The following SYNE2 variants were observed in gnomAD, a reference collection of about 807,000 sequenced individuals.
SYNE2 encodes spectrin repeat containing nuclear envelope protein 2.
A neutral mutation model predicts 856.3 loss-of-function variants in SYNE2; 431 were observed. That is an observed-to-expected ratio of 0.50 (90% CI 0.47 to 0.55). SYNE2 has a LOEUF of 0.55. Ranked by LOEUF, SYNE2 falls within the 20% of genes least tolerant of loss-of-function variation. SYNE2 has a pLI of 0.00. For synonymous variants in SYNE2, 2,923 were observed against 2,872.3 expected (o/e 1.02, Z -0.56); for missense variants, 8,129 against 8,023.2 (o/e 1.01, Z -0.50).
In SYNE2 at chr14:64,010,066, C is replaced by T. The variant is rs1347557207; in HGVS notation, c.4678C>T (p.Leu1560=). ...TCAAAAAGAAGAGAGTGTCATCTCC[C>T]TGCAGGCTTCGTACATGGGAAAGGA... ...LIQKEESVIS[L]QASYMGKENL... The change falls in exon 32 of 116, where the codon CTG becomes TTG. Residue 1560 remains leucine (L), a synonymous_variant. Transcript: ENST00000555002. 1 of 1,613,960 alleles carries T rather than the reference C, an allele frequency of 6.2e-7. No homozygotes were observed. Among genetic ancestry groups the T allele is most frequent in the South Asian group, 1.1e-5 (1 of 91,026 alleles).
chr14:63,926,576 T>C (rs964314443), intron 2 of SYNE2, among the ~76,000 whole-genome samples: 1 of 152,180 alleles, frequency 6.6e-6, no homozygotes, highest in Admixed American at 6.5e-5. Context: ...CCAATAAAAC[T>C]GTATTTACAA....
Position 63,978,033 on chromosome 14 carries a change from A to C in SYNE2, c.1406+16A>C. On this transcript the variant is annotated intron_variant, in intron 13 of 115. Coordinates refer to ENST00000555002, the MANE Select transcript of SYNE2 (RefSeq NM_182914.3). ...TGAAAAGACGGTGTGTAACACTACC[A>C]TTTCACAGCTGCTGTCACTATTCAC... 1 of 1,480,192 alleles carries C rather than the reference A, an allele frequency of 6.8e-7. No homozygotes were observed. Among genetic ancestry groups the C allele is most frequent in the Non-Finnish European group, 9.5e-7 (1 of 1,057,920 alleles). 91.7% of individuals were successfully genotyped at this position (1,480,192 alleles called of 1,614,324 possible).
At chr14:63,798,873 G>A (rs915861371) in intron 1 of SYNE2, among the ~76,000 whole-genome samples, 1 of 152,140 alleles carries the variant, frequency 6.6e-6, no homozygotes, top group African/African-American at 2.4e-5. Context: ...AAGGTGGGTA[G>A]GAACAGGCCT....
At chr14:64,116,424 A>G (rs2097854314) in intron 66 of SYNE2, among the ~76,000 whole-genome samples, 1 of 152,018 alleles carries the variant, frequency 6.6e-6, no homozygotes, top group African/African-American at 2.4e-5. Context: ...TAAAAGTACC[A>G]TTACTTTTTT....
intron 114 of SYNE2, 146 bp downstream of exon 114, chr14:64,224,693 C>A (rs1435482539): frequency 2.2e-6 from 2 of 888,954 alleles, no homozygotes; most frequent in East Asian, 5.3e-5. Context: ...TACAGTCTGC[C>A]TCTAGTCACT....
chr14:64,225,410 C>T lies in SYNE2; in HGVS notation c.20608C>T (p.Leu6870Phe), dbSNP rs372993403. 6 of 1,614,024 alleles carry T rather than the reference C, an allele frequency of 3.7e-6. No individual in the cohort carries two copies. The African/African-American group carries it at 6.7e-5, about 18-fold the overall frequency. Residue 6870 changes from leucine (L) to phenylalanine (F), a missense_variant, in exon 116 of 116, where the codon CTC (leucine) becomes TTC (phenylalanine). Around this residue, in one of 3 missense-constraint regions of SYNE2, gnomAD observed 5,410 missense variants for 5,284.8 expected, o/e 1.02. Coordinates refer to ENST00000555002, the MANE Select transcript of SYNE2 (RefSeq NM_182914.3). The stretch of plus-strand genomic sequence containing the variant: ...GCAGCTGCTCCTCCTGCTGCTGCTG[C>T]TCCTGGCCTGCCTGCTGCCCTCCTC... ...PLQLLLLLLL[L>F]LACLLPSSEE...
intron 1 of SYNE2, among the ~76,000 whole-genome samples, chr14:63,769,692 T>G (rs866100188): frequency 1.4e-3 from 172 of 121,384 alleles, no homozygotes; most frequent in Middle Eastern, 4.6e-3. Flanking sequence ...AAGACTCACC[T>G]GGGCAACAAG....
rs537982143 is a variant in SYNE2 at position 64,159,401 on chromosome 14, T to G, written c.16053T>G (p.Val5351=). Residue 5351 remains valine, a synonymous_variant, in exon 87 of 116, where the codon GTT becomes GTG. Transcript: ENST00000555002. The stretch of plus-strand genomic sequence containing the variant: ...AACTCAAAGGTCTCTGCCCCTCTGT[T>G]GCTGAAATAATCGAAGAGAAATGCC... ...IGKLKGLCPS[V]AEIIEEKCQN... is the part of the protein sequence containing the mutation. 1.2e-6 allele frequency: 2 copies of G among 1,614,014 alleles called. No homozygotes were observed. Among genetic ancestry groups the G allele is most frequent in the East Asian group, 2.2e-5 (1 of 44,874 alleles).
intron 10 of SYNE2, among the ~76,000 whole-genome samples, chr14:63,964,542 G>A (rs1244512857): frequency 6.6e-6 from 1 of 150,692 alleles, no homozygotes; most frequent in Non-Finnish European, 1.5e-5. Context: ...TTTATTTTTC[G>A]AGACGGAGTT....
intron 1 of SYNE2, among the ~76,000 whole-genome samples, chr14:63,814,525 A>G (rs1888768539): frequency 7.1e-6 from 1 of 141,190 alleles, no homozygotes; most frequent in South Asian, 2.1e-4. Flanking sequence ...TCCATTATAT[A>G]TATCCATATA....
At chr14:64,174,068 A>ATT (rs774699849) in intron 94 of SYNE2, 2,762 of 416,780 alleles carry the variant, frequency 6.6e-3, no homozygotes, top group South Asian at 9.5e-3. Context: ...TGTCTCTTAA[A>ATT]TTTTTTTTTT....
chr14:64,210,094 G>A lies in SYNE2; in HGVS notation c.18693G>A (p.Arg6231=), dbSNP rs1375004657. 2.5e-6 allele frequency: 4 copies of A among 1,613,870 alleles called. No homozygotes were observed. The South Asian group carries it at 3.3e-5, about 13-fold the overall frequency. Residue 6231 remains arginine (R), a synonymous_variant, in exon 103 of 116, where the codon AGG becomes AGA. Transcript: ENST00000555002. Reference sequence around the variant, plus strand: ...ACCAGCGCTGGGACAACCTTCAGAGGCGGGTCACAGCCGTCCTGCGGAGAC... The same window carrying A: ...ACCAGCGCTGGGACAACCTTCAGAGACGGGTCACAGCCGTCCTGCGGAGAC... The part of the protein sequence containing the change: ...EGNQRWDNLQ[R]RVTAVLRRLR...
At chr14:64,205,729 T>C (rs762890843) in intron 100 of SYNE2, among the ~76,000 whole-genome samples, 59 of 152,184 alleles carry the variant, frequency 3.9e-4, no homozygotes, top group Non-Finnish European at 6.2e-4. Flanking sequence ...ATCTTTAAAA[T>C]GCACAGGAAG....
intron 1 of SYNE2, among the ~76,000 whole-genome samples, chr14:63,828,421 C>T (rs1484368675): frequency 6.6e-6 from 1 of 152,006 alleles, no homozygotes; most frequent in African/African-American, 2.4e-5. Context: ...GGGTGGATCA[C>T]CTGAGGTGAG....
chr14:64,076,054 C>T lies in SYNE2; in HGVS notation c.10976C>T (p.Ser3659Phe), dbSNP rs1595352239. Residue 3659 changes from serine (S) to phenylalanine (F), a missense_variant, in exon 54 of 116, where the codon TCC becomes TTC. Ser to Phe is a radical substitution (Grantham distance 155). Around this residue, in one of 3 missense-constraint regions of SYNE2, gnomAD observed 5,410 missense variants for 5,284.8 expected, o/e 1.02. Coordinates refer to ENST00000555002, the MANE Select transcript of SYNE2 (RefSeq NM_182914.3). Reference sequence around the variant, plus strand: ...ACCATAGTCCCTGCAGAGATTGAATCCCAGGTGGAAGAATGCAGAAAAGCT... The same window carrying T: ...ACCATAGTCCCTGCAGAGATTGAATTCCAGGTGGAAGAATGCAGAAAAGCT... ...MYTIVPAEIE[S>F]QVEECRKALE... is the part of the protein sequence containing the mutation. 2.5e-6 allele frequency: 4 copies of T among 1,613,858 alleles called. No homozygotes were observed. Among genetic ancestry groups the T allele is most frequent in the Non-Finnish European group, 3.4e-6 (4 of 1,179,850 alleles).
At chr14:63,974,804 G>GTATATA (rs2096519485) in intron 11 of SYNE2, among the ~76,000 whole-genome samples, 1 of 130,858 alleles carries the variant, frequency 7.6e-6, no homozygotes, top group African/African-American at 2.8e-5. Flanking sequence ...GTGTATATAT[G>GTATATA]TGTATATATG....
chr14:63,764,717 T>C (rs1322350671), intron 1 of SYNE2, among the ~76,000 whole-genome samples: 1 of 152,044 alleles, frequency 6.6e-6, no homozygotes, highest in African/African-American at 2.4e-5. Flanking sequence ...TTTGTCCTAA[T>C]GCTCTCCTTC....
At position 64,219,305 on chromosome 14, in the gene SYNE2, C is replaced by T. The variant is rs776358562; in HGVS notation, c.19755C>T (p.Ala6585=). The T allele has an allele frequency of 2.5e-6, 4 of 1,613,922 alleles. No individual in the cohort carries two copies. In the East Asian group the frequency reaches 8.9e-5, roughly 36 times the overall value. The change falls in exon 110 of 116, where the codon GCC becomes GCT. Residue 6585 remains alanine, a synonymous_variant. Transcript: ENST00000555002. ...NLQQLNSDIS[A]ITTWLKKTEA... ...AACAGCTGAACTCTGATATCAGCGC[C>T]ATCACTACTTGGCTGAAAAAAACTG... is the stretch of plus-strand genomic sequence containing the variant.
chr14:63,988,739 A>G (rs1488605638), intron 19 of SYNE2, among the ~76,000 whole-genome samples: 2 of 152,192 alleles, frequency 1.3e-5, no homozygotes, highest in Non-Finnish European at 2.9e-5. Flanking sequence ...GGAGGGTGAA[A>G]GTCATGTCTA....
Sources: allele counts gnomAD v4.1 joint callset (sites outside exome capture counted in the v4.1 genomes callset), GRCh38; gene constraint gnomAD v4.1.1; regional missense constraint gnomAD v4.1.1; transcripts MANE v1.5; gene names NCBI Gene and HGNC (gene_info 2026-07-23, HGNC 2026-07-21).